Variants in RAB3C observed in about 807,000 individuals in gnomAD.
RAB3C encodes the protein RAB3C, member RAS oncogene family, also known as ras-related protein Rab-3C.
Under a neutral mutation model 26.4 loss-of-function variants are expected in RAB3C, and 17 were observed. The observed-to-expected ratio is 0.64, with a 90% confidence interval of 0.44 to 0.97. The LOEUF is 0.97. Among genes scored for constraint, RAB3C ranks in the 50% least tolerant of loss-of-function variants. RAB3C has a pLI of 0.00. For missense variants in RAB3C, 242 were observed against 281.9 expected, an observed-to-expected ratio of 0.86 and a Z score of 1.01; for synonymous variants, 91 against 95.9, an observed-to-expected ratio of 0.95 and a Z score of 0.30.
intron 3 of RAB3C, among the ~76,000 whole-genome samples, chr5:58,748,276 C>T (rs771720333): frequency 2.6e-5 from 4 of 152,032 alleles, no homozygotes; most frequent in East Asian, 3.8e-4. Context: ...TAAAACTGTG[C>T]GTATTTTCTC....
At chr5:58,644,815 C>A (rs1747485006) in intron 2 of RAB3C, among the ~76,000 whole-genome samples, 1 of 152,150 alleles carries the variant, frequency 6.6e-6, no homozygotes, top group Non-Finnish European at 1.5e-5. Flanking sequence ...TGATGGCAGG[C>A]TTCTCTGCAC....
intron 4 of RAB3C, among the ~76,000 whole-genome samples, chr5:58,825,691 C>T (rs1398924734): frequency 6.6e-6 from 1 of 152,020 alleles, no homozygotes; most frequent in African/African-American, 2.4e-5. Context: ...TTAACCAAGT[C>T]CTTGTAGATA....
intron 3 of RAB3C, among the ~76,000 whole-genome samples, chr5:58,794,741 T>C (rs1415233963): frequency 1.3e-5 from 2 of 152,238 alleles, no homozygotes; most frequent in African/African-American, 2.4e-5. Context: ...ATTTTACAGA[T>C]GGAGAAAGTG....
At chr5:58,800,362 C>T (rs73757982) in intron 3 of RAB3C, among the ~76,000 whole-genome samples, 5,162 of 152,224 alleles carry the variant, frequency 0.034, 190 homozygotes, top group African/African-American at 0.093. Context: ...AGGAGGGAAA[C>T]GCTCACAGTA....
upstream of RAB3C, among the ~76,000 whole-genome samples, chr5:58,582,651 C>T (rs573961896): frequency 6.6e-6 from 1 of 152,098 alleles, no homozygotes; most frequent in African/African-American, 2.4e-5. Flanking sequence ...TTTCCCGATT[C>T]GGATGGGGAG....
chr5:58,627,016 T>A (rs987347318), intron 2 of RAB3C, among the ~76,000 whole-genome samples: 1 of 152,186 alleles, frequency 6.6e-6, no homozygotes, highest in African/African-American at 2.4e-5. Flanking sequence ...CAGTGAGCTG[T>A]GTTGTTGAGG....
intron 3 of RAB3C, among the ~76,000 whole-genome samples, chr5:58,803,841 A>G (rs182352268): frequency 0.015 from 2,340 of 152,230 alleles, 55 homozygotes; most frequent in African/African-American, 0.053. Flanking sequence ...CGGGTGGATC[A>G]CAAGGTCAGG....
chr5:58,780,533 T>A (rs1042917240), intron 3 of RAB3C, among the ~76,000 whole-genome samples: 5 of 152,162 alleles, frequency 3.3e-5, no homozygotes, highest in African/African-American at 1.2e-4. Flanking sequence ...TGTCCCCAAA[T>A]CATCTAAGTC....
chr5:58,652,181 G>A (rs1747667454), intron 2 of RAB3C, among the ~76,000 whole-genome samples: 1 of 151,628 alleles, frequency 6.6e-6, no homozygotes. Flanking sequence ...TATTATTCTT[G>A]TATAGTTTTC....
At chr5:58,675,914 C>T (rs553109704) in intron 2 of RAB3C, among the ~76,000 whole-genome samples, 108 of 152,120 alleles carry the variant, frequency 7.1e-4, no homozygotes, top group African/African-American at 2.5e-3. Flanking sequence ...AAGTCTAGCT[C>T]TTTCAGCAGG....
chr5:58,632,758 T>C (rs796274199), intron 2 of RAB3C, among the ~76,000 whole-genome samples: 20 of 152,278 alleles, frequency 1.3e-4, no homozygotes, highest in African/African-American at 4.8e-4. Flanking sequence ...CTACTTGCTC[T>C]TTCATCCCCT....
chr5:58,698,697 T>G (rs2111874348), intron 2 of RAB3C, among the ~76,000 whole-genome samples: 1 of 152,324 alleles, frequency 6.6e-6, no homozygotes, highest in South Asian at 2.1e-4. Context: ...CTGATACCCT[T>G]TCTTCCACTT....
At chr5:58,786,781 A>T (rs1324831874) in intron 3 of RAB3C, among the ~76,000 whole-genome samples, 1 of 152,070 alleles carries the variant, frequency 6.6e-6, no homozygotes, top group Non-Finnish European at 1.5e-5. Context: ...TCAAAAAAAA[A>T]AATCTACTTA....
At chr5:58,843,307 T>A (rs2112082136) in intron 4 of RAB3C, among the ~76,000 whole-genome samples, 1 of 152,342 alleles carries the variant, frequency 6.6e-6, no homozygotes, top group East Asian at 1.9e-4. Flanking sequence ...ACAGCAAAAA[T>A]AACTTCCTAA....
Position 58,726,051 on chromosome 5 carries a change from G to A in RAB3C, c.302G>A (p.Arg101His), listed in dbSNP as rs775390478. 20 of 1,607,130 alleles carry A rather than the reference G, an allele frequency of 1.2e-5. No homozygotes were observed. Among genetic ancestry groups the A allele is most frequent in the East Asian group, 4.5e-5 (2 of 44,594 alleles). The change falls in exon 3 of 5, where the codon CGT (arginine) becomes CAT (histidine). Residue 101 changes from arginine to histidine, a missense_variant. Transcript: ENST00000282878. ...AGGACTATCACCACAGCCTATTATCGTGGAGCCATGGGCTTTATTTTAATG... is the reference window on the plus strand; with the variant it reads ...AGGACTATCACCACAGCCTATTATCATGGAGCCATGGGCTTTATTTTAATG... ...RYRTITTAYY[R>H]GAMGFILMYD...
intron 2 of RAB3C, among the ~76,000 whole-genome samples, chr5:58,625,713 C>T (rs548547320): frequency 2.0e-4 from 30 of 151,982 alleles, no homozygotes; most frequent in African/African-American, 4.8e-4. Flanking sequence ...AAAAATTAGC[C>T]GGGTGTTGTG....
chr5:58,732,313 A>G (rs1180504697), intron 3 of RAB3C, among the ~76,000 whole-genome samples: 1 of 151,846 alleles, frequency 6.6e-6, no homozygotes, highest in Non-Finnish European at 1.5e-5. Flanking sequence ...TTATTTATTA[A>G]ACATGATATA....
chr5:58,771,849 C>CTTT (rs540125417), intron 3 of RAB3C, among the ~76,000 whole-genome samples: 1 of 131,944 alleles, frequency 7.6e-6, no homozygotes. Flanking sequence ...TTTTCTTTTT[C>CTTT]TTTTTTTTTT....
At chr5:58,698,607 G>C (rs1475513515) in intron 2 of RAB3C, among the ~76,000 whole-genome samples, 2 of 152,066 alleles carry the variant, frequency 1.3e-5, no homozygotes, top group Non-Finnish European at 2.9e-5. Context: ...ATATTTCTTG[G>C]AGGCTTTGTT....
Sources: allele counts gnomAD v4.1 joint callset (sites outside exome capture counted in the v4.1 genomes callset), GRCh38; gene constraint gnomAD v4.1.1; transcripts MANE v1.5; gene names NCBI Gene and HGNC (gene_info 2026-07-23, HGNC 2026-07-21).